The following ROBO2 variants were observed in gnomAD, a reference collection of about 807,000 sequenced individuals.
The protein encoded by ROBO2 is roundabout homolog 2.
In ROBO2, 53 loss-of-function variants were observed where a neutral mutation model predicts 160.8. The observed-to-expected ratio is 0.33, with a 90% CI of 0.26 to 0.41. ROBO2 has a LOEUF of 0.41. ROBO2 is among the 10% of genes least tolerant of loss of function. The pLI, the probability that ROBO2 is intolerant of heterozygous loss-of-function variation, is 1.00. For synonymous variants in ROBO2, 664 were observed against 611.7 expected (o/e 1.09, Z -1.26); for missense variants, 1,577 against 1,722.4 (o/e 0.92, Z 1.49).
chr3:76,298,668 G>A (rs896330057), intron 2 of ROBO2, among the ~76,000 whole-genome samples: 2 of 152,052 alleles, frequency 1.3e-5, no homozygotes, highest in African/African-American at 4.8e-5. Context: ...CAACCTCATG[G>A]GATATATTTT....
At chr3:77,565,261 G>T in intron 12 of ROBO2, 141 bp downstream of exon 13, 2 of 1,012,954 alleles carry the variant, frequency 2.0e-6, no homozygotes, top group South Asian at 2.6e-5. Context: ...GGAAGGAGAA[G>T]GTAGCTTGCT....
At chr3:76,901,353 T>C (rs1366373100) in intron 2 of ROBO2, among the ~76,000 whole-genome samples, 1 of 152,036 alleles carries the variant, frequency 6.6e-6, no homozygotes, top group East Asian at 1.9e-4. Context: ...TGGCTCATAA[T>C]AGGCACTCAA....
chr3:77,596,401 C>G (rs1211729826), intron 18 of ROBO2, among the ~76,000 whole-genome samples: 1 of 152,114 alleles, frequency 6.6e-6, no homozygotes, highest in Non-Finnish European at 1.5e-5. Flanking sequence ...CTGAATTCAT[C>G]TGGACATTGA....
chr3:76,887,264 G>C (rs1173682084), intron 2 of ROBO2, among the ~76,000 whole-genome samples: 1 of 118,088 alleles, frequency 8.5e-6, no homozygotes, highest in Non-Finnish European at 1.6e-5. Context: ...CTAGACTCTA[G>C]TCCAAAAATT....
At chr3:76,573,696 T>A (rs2085099353) in intron 2 of ROBO2, among the ~76,000 whole-genome samples, 2 of 152,074 alleles carry the variant, frequency 1.3e-5, no homozygotes, top group African/African-American at 4.8e-5. Context: ...TTTTAAAATC[T>A]TTGATGAGGG....
intron 2 of ROBO2, among the ~76,000 whole-genome samples, chr3:75,987,916 T>C (rs757717538): frequency 2.6e-5 from 4 of 152,008 alleles, no homozygotes; most frequent in Non-Finnish European, 5.9e-5. Flanking sequence ...TGCTGCTGAA[T>C]TTGGTTTGCT....
chr3:77,198,744 T>C (rs895750122), intron 2 of ROBO2, among the ~76,000 whole-genome samples: 3 of 151,918 alleles, frequency 2.0e-5, no homozygotes, highest in African/African-American at 7.3e-5. Context: ...CTATTAAAGA[T>C]ACAAAAAAAT....
chr3:77,546,281 A>G lies in ROBO2; in HGVS notation c.935-57A>G, dbSNP rs1278470648. 5.0e-6 allele frequency: 8 copies of G among 1,588,780 alleles called. No homozygotes were observed. In the Admixed American group the frequency reaches 1.2e-4, roughly 23 times the overall value. ...CATAGTACCATATTTTCTCCTTGAC[A>G]TATTTTTATTTGTCTATGGTTGATA... On this transcript the variant is annotated intron_variant, in intron 6 of 25. Transcript: ENST00000461745.
chr3:76,382,412 C>T (rs2076676530), intron 2 of ROBO2, among the ~76,000 whole-genome samples: 1 of 152,154 alleles, frequency 6.6e-6, no homozygotes, highest in South Asian at 2.1e-4. Flanking sequence ...CACGGTGGAA[C>T]CCCGTCTCTA....
chr3:77,126,129 A>C (rs1364828612), intron 2 of ROBO2, among the ~76,000 whole-genome samples: 1 of 152,228 alleles, frequency 6.6e-6, no homozygotes, highest in Non-Finnish European at 1.5e-5. Flanking sequence ...ATGGCAATCC[A>C]TTTAGTTGTT....
At chr3:76,065,900 A>G (rs2068238652) in intron 2 of ROBO2, among the ~76,000 whole-genome samples, 1 of 151,858 alleles carries the variant, frequency 6.6e-6, no homozygotes, top group Non-Finnish European at 1.5e-5. Flanking sequence ...TGTTCATCCC[A>G]TGGCAGTGCA....
intron 2 of ROBO2, among the ~76,000 whole-genome samples, chr3:77,013,706 A>G (rs374009200): frequency 6.6e-6 from 1 of 152,164 alleles, no homozygotes; most frequent in South Asian, 2.1e-4. Flanking sequence ...CTGATGCTGC[A>G]ATTATTTTTG....
intron 1 of ROBO2, among the ~76,000 whole-genome samples, chr3:77,086,792 C>G (rs1235483832): frequency 6.6e-6 from 1 of 152,090 alleles, no homozygotes; most frequent in Non-Finnish European, 1.5e-5. Context: ...GCCATTATTC[C>G]TTTAAGAAAC....
chr3:76,669,334 A>G (rs944447952), intron 2 of ROBO2, among the ~76,000 whole-genome samples: 1 of 152,170 alleles, frequency 6.6e-6, no homozygotes, highest in Non-Finnish European at 1.5e-5. Flanking sequence ...AGAATTCCAT[A>G]AAAAAGGCAA....
At chr3:76,564,876 CAT>C (rs141766984) in intron 2 of ROBO2, among the ~76,000 whole-genome samples, 2,208 of 152,272 alleles carry the variant, frequency 0.015, 68 homozygotes, top group African/African-American at 0.05. Flanking sequence ...CTTTTACACA[CAT>C]GTTTAATGTT....
chr3:77,023,481 A>G (rs1158731660), intron 2 of ROBO2, among the ~76,000 whole-genome samples: 1 of 152,242 alleles, frequency 6.6e-6, no homozygotes, highest in East Asian at 1.9e-4. Context: ...CAAATGAAAT[A>G]AAATCATAAA....
At chr3:77,048,507 T>G (rs1050156283) in intron 1 of ROBO2, among the ~76,000 whole-genome samples, 5 of 152,210 alleles carry the variant, frequency 3.3e-5, no homozygotes, top group African/African-American at 1.2e-4. Flanking sequence ...TGCATTTTGG[T>G]TCATGTTGGC....
At chr3:77,160,872 T>A (rs1222335682) in intron 2 of ROBO2, among the ~76,000 whole-genome samples, 1 of 152,162 alleles carries the variant, frequency 6.6e-6, no homozygotes, top group African/African-American at 2.4e-5. Flanking sequence ...AGTGTAAAAT[T>A]GTATGTTGAT....
At position 76,078,875 on chromosome 3, in the gene ROBO2, C is replaced by A. The variant is rs185889861; in HGVS notation, c.109+141273C>A. ...TAACAGTGTACAAGTGTCCCCCTTT[C>A]TCCACATTCTCATCAACATTCATTG... On this transcript the variant is annotated intron_variant, in intron 2 of 26. Coordinates refer to the ROBO2 transcript ENST00000487694. Among the ~76,000 whole-genome samples the A allele has an allele frequency of 2.0e-5, 3 of 152,298 alleles. No individual in the cohort carries two copies. In the East Asian group the frequency reaches 5.8e-4, roughly 29 times the overall value.
Sources: allele counts gnomAD v4.1 joint callset (sites outside exome capture counted in the v4.1 genomes callset), GRCh38; gene constraint gnomAD v4.1.1; transcripts MANE v1.5; gene names NCBI Gene and HGNC (gene_info 2026-07-23, HGNC 2026-07-21).